EYS: variants seen among roughly 807,000 people sequenced by gnomAD.
EYS encodes protein eyes shut homolog.
EYS carries 250 observed loss-of-function variants against 282.1 expected under a neutral mutation model. The observed-to-expected ratio is 0.89, with a 90% CI of 0.80 to 0.98. The LOEUF (loss-of-function observed/expected upper bound fraction) is 0.98, where lower values mean the gene tolerates loss of function less well. EYS is among the 50% of genes least tolerant of loss of function. EYS has a pLI of 0.00. For missense variants in EYS, 4,016 were observed against 3,709.0 expected, an observed-to-expected ratio of 1.08 and a Z score of -2.15; for synonymous variants, 1,355 against 1,282.9, an observed-to-expected ratio of 1.06 and a Z score of -1.20.
intron 5 of EYS, among the ~76,000 whole-genome samples, chr6:65,470,151 G>T (rs2127238048): frequency 6.6e-6 from 1 of 152,184 alleles, no homozygotes; most frequent in East Asian, 1.9e-4. Context: ...CTCCAACTGA[G>T]TATCAAGGAG....
chr6:64,794,938 GAAA>G (rs1774307897), intron 22 of EYS, among the ~76,000 whole-genome samples: 1 of 152,074 alleles, frequency 6.6e-6, no homozygotes, highest in African/African-American at 2.4e-5. Flanking sequence ...TACAGGGATA[GAAA>G]TAGACATTAC....
At chr6:65,179,041 C>T (rs1053607874) in intron 12 of EYS, among the ~76,000 whole-genome samples, 2 of 152,066 alleles carry the variant, frequency 1.3e-5, no homozygotes, top group African/African-American at 2.4e-5. Context: ...ATACCAGAAT[C>T]TCTGGGACAC....
At chr6:64,142,487 A>G (rs1774368618) in intron 31 of EYS, among the ~76,000 whole-genome samples, 1 of 152,134 alleles carries the variant, frequency 6.6e-6, no homozygotes, top group African/African-American at 2.4e-5. Flanking sequence ...CAGTGCCTCT[A>G]AAGTATGAGG....
At chr6:64,220,758 C>T (rs2150332994) in intron 31 of EYS, among the ~76,000 whole-genome samples, 1 of 152,200 alleles carries the variant, frequency 6.6e-6, no homozygotes, top group East Asian at 1.9e-4. Context: ...TCTTTATATT[C>T]ATATAATAAG....
intron 22 of EYS, among the ~76,000 whole-genome samples, chr6:64,681,448 C>G (rs1224926801): frequency 6.6e-6 from 1 of 152,050 alleles, no homozygotes; most frequent in Non-Finnish European, 1.5e-5. Context: ...AGGGCAAATA[C>G]TAGAAAGGAA....
rs78708763 is a variant in EYS, at chr6:64,578,883, C to T, written c.5644+11340G>A. 9.8e-3 allele frequency among the ~76,000 whole-genome samples: 1,499 copies of T among 152,186 alleles called. 18 individuals carry two copies. Among genetic ancestry groups the T allele is most frequent in the African/African-American group, 0.034 (1,418 of 41,540 alleles). On this transcript the variant is annotated intron_variant, in intron 26 of 42. Coordinates refer to ENST00000503581, the MANE Select transcript of EYS (RefSeq NM_001142800.2). ...GTTTAAGTAATATCTTAATTACTGA[C>T]ATTAAATACCATTTCAAAATATTGC...
intron 33 of EYS, among the ~76,000 whole-genome samples, chr6:64,002,770 T>C (rs1443957646): frequency 6.6e-6 from 1 of 152,184 alleles, no homozygotes; most frequent in Non-Finnish European, 1.5e-5. Flanking sequence ...ACTCCTGGGC[T>C]TAAGTGATCC....
At chr6:65,577,475 G>C (rs1263264426) in intron 2 of EYS, among the ~76,000 whole-genome samples, 1 of 151,484 alleles carries the variant, frequency 6.6e-6, no homozygotes, top group Non-Finnish European at 1.5e-5. Context: ...ACAACTACTA[G>C]GAAAAAACAC....
intron 29 of EYS, among the ~76,000 whole-genome samples, chr6:64,351,692 T>C (rs1253063006): frequency 2.0e-5 from 3 of 151,530 alleles, no homozygotes; most frequent in Admixed American, 6.6e-5. Context: ...AGGAAGAAAG[T>C]CTATAAATAA....
intron 33 of EYS, among the ~76,000 whole-genome samples, chr6:64,026,392 T>C (rs1036715842): frequency 6.6e-6 from 1 of 152,250 alleles, no homozygotes; most frequent in South Asian, 2.1e-4. Context: ...GGATCACCCT[T>C]GAAATGCATC....
At chr6:65,470,617 A>C (rs1226984171) in intron 5 of EYS, among the ~76,000 whole-genome samples, 1 of 152,186 alleles carries the variant, frequency 6.6e-6, no homozygotes, top group Non-Finnish European at 1.5e-5. Context: ...ACATATGGCT[A>C]GTACTGTGTT....
rs142315878 is a variant in EYS, at chr6:64,768,689, T to C, written c.3443+44689A>G. ...AACCATAATATGAGCCCTTTGGTGA[T>C]AAAGGTACAGAAGCAAAGCTTTCTT... On this transcript the variant is annotated intron_variant, in intron 22 of 42. Coordinates refer to ENST00000503581, the MANE Select transcript of EYS (RefSeq NM_001142800.2). Among the ~76,000 whole-genome samples the C allele has an allele frequency of 1.3e-4, 20 of 152,252 alleles. No individual in the cohort carries two copies. The Middle Eastern group carries it at 0.01, about 78-fold the overall frequency.
intron 7 of EYS, among the ~76,000 whole-genome samples, chr6:65,384,932 C>T (rs141155731): frequency 2.0e-5 from 3 of 151,858 alleles, no homozygotes; most frequent in East Asian, 1.9e-4. Flanking sequence ...TGGATGATAA[C>T]GGTCTAGTTA....
chr6:64,358,350 G>A (rs1771898625), intron 29 of EYS, among the ~76,000 whole-genome samples: 1 of 151,600 alleles, frequency 6.6e-6, no homozygotes, highest in African/African-American at 2.4e-5. Flanking sequence ...AAACTTGGTG[G>A]ACAATATAGT....
chr6:64,218,722 C>A (rs946901162), intron 31 of EYS, among the ~76,000 whole-genome samples: 19 of 152,110 alleles, frequency 1.2e-4, no homozygotes, highest in East Asian at 5.8e-4. Context: ...GAAACTGGGG[C>A]CTGCTTCTTG....
chr6:65,234,623 C>A (rs1393741234), intron 12 of EYS, among the ~76,000 whole-genome samples: 1 of 152,120 alleles, frequency 6.6e-6, no homozygotes, highest in African/African-American at 2.4e-5. Context: ...ACAGTTGATA[C>A]TGGAAATGCC....
At chr6:63,822,856 A>G (rs1242994182) in intron 36 of EYS, among the ~76,000 whole-genome samples, 1 of 152,206 alleles carries the variant, frequency 6.6e-6, no homozygotes, top group Non-Finnish European at 1.5e-5. Context: ...TTTCACCACT[A>G]GGAATACTAT....
chr6:64,796,318 G>A lies in EYS; in HGVS notation c.3443+17060C>T, dbSNP rs190937213. Among the ~76,000 whole-genome samples, 151 of 152,206 alleles carry A rather than the reference G, an allele frequency of 9.9e-4. 2 individuals carry two copies. The highest frequency in any genetic ancestry group is 3.4e-4 in the Non-Finnish European group (23 of 68,016). On this transcript the variant is annotated intron_variant, in intron 22 of 42. Transcript: ENST00000503581. Reference sequence around the variant, plus strand: ...GACTTACAGGTTTACTGATGAAAGGGGTTGTAGAATAAGTAGCAAGGAGAG... The same window carrying A: ...GACTTACAGGTTTACTGATGAAAGGAGTTGTAGAATAAGTAGCAAGGAGAG...
intron 29 of EYS, among the ~76,000 whole-genome samples, chr6:64,385,603 G>C (rs1476611522): frequency 1.3e-5 from 2 of 152,086 alleles, no homozygotes; most frequent in Non-Finnish European, 2.9e-5. Context: ...TTTCAGACAA[G>C]GTTTTAGGAG....
Sources: allele counts gnomAD v4.1 joint callset (sites outside exome capture counted in the v4.1 genomes callset), GRCh38; gene constraint gnomAD v4.1.1; transcripts MANE v1.5; gene names NCBI Gene and HGNC (gene_info 2026-07-23, HGNC 2026-07-21).